MCF2L: variants seen among roughly 807,000 people sequenced by gnomAD.
MCF2L encodes the protein guanine nucleotide exchange factor DBS.
Under a neutral mutation model 153.4 loss-of-function variants are expected in MCF2L, and 97 were observed. The ratio of observed to expected loss-of-function variants is 0.63; its 90% CI spans 0.54 to 0.75. The LOEUF (loss-of-function observed/expected upper bound fraction) is 0.75. Ranked by LOEUF, MCF2L falls within the 30% of genes least tolerant of loss-of-function variation. MCF2L has a pLI of 0.00. For synonymous variants in MCF2L, 659 were observed against 632.2 expected (o/e 1.04, Z -0.64); for missense variants, 1,347 against 1,495.2 (o/e 0.90, Z 1.64).
At chr13:112,988,241 T>G (rs1453264533) in intron 1 of MCF2L, among the ~76,000 whole-genome samples, 3 of 149,372 alleles carry the variant, frequency 2.0e-5, no homozygotes, top group East Asian at 2.0e-4. Context: ...TCTACTGTGT[T>G]TTTTTTTTTT....
intron 18 of MCF2L, chr13:113,084,596 T>C (rs2142019763): frequency 2.1e-6 from 1 of 475,030 alleles, no homozygotes; most frequent in South Asian, 3.4e-5. Flanking sequence ...ACACCATAAA[T>C]GGCCTTCTAA....
At chr13:112,980,555 C>G (rs999734054) in intron 1 of MCF2L, among the ~76,000 whole-genome samples, 2 of 150,196 alleles carry the variant, frequency 1.3e-5, no homozygotes, top group Admixed American at 1.3e-4. Flanking sequence ...CACATCCAGG[C>G]GATGCCTGAC....
At chr13:113,086,295 ACAC>A in intron 21 of MCF2L, 46 bp downstream of exon 21, 1 of 1,594,438 alleles carries the variant, frequency 6.3e-7, no homozygotes, top group East Asian at 2.3e-5. Context: ...TCCGTGGAAT[ACAC>A]CAGCCCAGCA....
At position 113,074,787 on chromosome 13, in the gene MCF2L, A is replaced by T. The variant is rs2141917685; in HGVS notation, c.1117-211A>T. 6.6e-6 allele frequency among the ~76,000 whole-genome samples: 1 copy of T among 152,062 alleles called. No homozygotes were observed. Among genetic ancestry groups the T allele is most frequent in the East Asian group, 1.9e-4 (1 of 5,146 alleles). On this transcript the variant is annotated intron_variant, in intron 10 of 29. Transcript: ENST00000535094. This position sits in a 1 kb window ranked among gnomAD's most constrained non-coding sequence, Gnocchi z 4.2. Reference sequence around the variant, plus strand: ...CCTCCTCTGGGTCAGGTCCCTGCAGACGGTCAATGCCTTTGCTGGGACCAC... The same window carrying T: ...CCTCCTCTGGGTCAGGTCCCTGCAGTCGGTCAATGCCTTTGCTGGGACCAC...
intron 2 of MCF2L, among the ~76,000 whole-genome samples, chr13:112,919,441 G>A (rs1435456287): frequency 1.1e-4 from 17 of 151,940 alleles, no homozygotes; most frequent in East Asian, 5.8e-4. Context: ...TCCTGACCTC[G>A]TGATCCGCCC....
In MCF2L at chr13:112,969,479, T is replaced by G. The variant is rs1437502568; in HGVS notation, c.79+21T>G. 3.2e-6 allele frequency: 5 copies of G among 1,550,118 alleles called. No individual in the cohort carries two copies. The highest frequency in any genetic ancestry group is 4.4e-6 in the Non-Finnish European group (5 of 1,146,684). On this transcript the variant is annotated intron_variant, in intron 1 of 29. Coordinates refer to ENST00000535094, the MANE Select transcript of MCF2L (RefSeq NM_001112732.3). This position sits in a 1 kb window ranked among gnomAD's most constrained non-coding sequence, Gnocchi z 4.8. Reference sequence around the variant, plus strand: ...CACGGGTAGGAGGAGCTGCTGGCCGTCAGTGATCTGTGCTTAAGCTTGACA... The same window carrying G: ...CACGGGTAGGAGGAGCTGCTGGCCGGCAGTGATCTGTGCTTAAGCTTGACA...
chr13:113,060,478 G>T lies in MCF2L; in HGVS notation c.370-115G>T, dbSNP rs554820504. On this transcript the variant is annotated intron_variant, in intron 4 of 29. Coordinates refer to ENST00000535094, the MANE Select transcript of MCF2L (RefSeq NM_001112732.3). The stretch of plus-strand genomic sequence containing the variant: ...CTCAGCATAAACCTGCTGCGTTGAG[G>T]ATGCCTGGCCGCTAGCTGCGCGCCC... The T allele has an allele frequency of 1.4e-4, 171 of 1,248,698 alleles. 1 individual carries two copies. In the South Asian group the frequency reaches 1.4e-3, roughly 10 times the overall value. The allele number at this position is 1,248,698 out of a possible 1,614,324, so 77.4% of individuals were successfully genotyped here. A position where few individuals can be genotyped will look rare whatever the true frequency, so the allele number is the denominator to read the frequency against.
At position 113,096,828 on chromosome 13, in the gene MCF2L, G is replaced by T. The variant is rs748415340; in HGVS notation, c.3347G>T (p.Gly1116Val). The T allele has an allele frequency of 6.6e-6, 10 of 1,525,042 alleles. No individual in the cohort carries two copies. In the South Asian group the frequency reaches 1.1e-4, roughly 17 times the overall value. The allele number at this position is 1,525,042 out of a possible 1,614,324, so 94.5% of individuals were successfully genotyped here. A position where few individuals can be genotyped will look rare whatever the true frequency, so the allele number is the denominator to read the frequency against. ...AACTCGTCCAGCTGCAGCGAGGGCGGCCAGGCCCCCTTCTCCGACCTGCAG... is the reference window on the plus strand; with the variant it reads ...AACTCGTCCAGCTGCAGCGAGGGCGTCCAGGCCCCCTTCTCCGACCTGCAG... ...LSNSSSCSEG[G>V]QAPFSDLQG Residue 1116 changes from glycine to valine, a missense_variant, in exon 30 of 30, where the codon GGC (glycine) becomes GTC (valine). Physicochemically the swap from Gly to Val is moderately radical, Grantham distance 109 (BLOSUM62 -3). Transcript: ENST00000535094.
intron 1 of MCF2L, among the ~76,000 whole-genome samples, chr13:112,982,894 G>A (rs1048066433): frequency 3.3e-5 from 5 of 152,130 alleles, no homozygotes; most frequent in South Asian, 2.1e-4. Flanking sequence ...CTTGAGGGGC[G>A]CCGAGGTGTG....
intron 1 of MCF2L, among the ~76,000 whole-genome samples, chr13:112,987,497 C>T (rs183551958): frequency 1.0e-3 from 152 of 152,338 alleles, no homozygotes; most frequent in Non-Finnish European, 1.7e-3. Flanking sequence ...CTTCTGCAGC[C>T]GCACAGTTGA....
chr13:113,003,772 G>C (rs947904572), intron 1 of MCF2L, among the ~76,000 whole-genome samples: 1 of 152,192 alleles, frequency 6.6e-6, no homozygotes, highest in Non-Finnish European at 1.5e-5. Context: ...GGGTCAGCCA[G>C]GCCTGTGTTC....
intron 2 of MCF2L, among the ~76,000 whole-genome samples, chr13:113,020,472 T>G (rs2084804757): frequency 6.6e-6 from 1 of 152,256 alleles, no homozygotes; most frequent in Non-Finnish European, 1.5e-5. Context: ...TCCCCTAGAC[T>G]GAGTGGTTTA....
chr13:113,014,103 C>T (rs2084354746), intron 1 of MCF2L, among the ~76,000 whole-genome samples: 1 of 152,186 alleles, frequency 6.6e-6, no homozygotes, highest in Non-Finnish European at 1.5e-5. Context: ...CCCCATGCTC[C>T]CCCCGTGCTC....
intron 25 of MCF2L, among the ~76,000 whole-genome samples, 192 bp downstream of exon 25, chr13:113,088,820 G>A (rs2034897496): frequency 6.6e-6 from 1 of 152,198 alleles, no homozygotes; most frequent in African/African-American, 2.4e-5. Flanking sequence ...CTCCGACAAT[G>A]CCCAGTCCCT....
Position 113,096,558 on chromosome 13 carries a change from G to C in MCF2L, c.3197G>C (p.Arg1066Thr), listed in dbSNP as rs2035678062. ...QEGDEGLWYV[R>T]DPTTGKEGWV... ...ACCCTCGCCCCTTGCAGGTACGTCA[G>C]GGACCCGACCACTGGCAAGGAGGGC... is the stretch of plus-strand genomic sequence containing the variant. Residue 1066 changes from arginine to threonine, a missense_variant, in exon 29 of 30, where the codon AGG becomes ACG. Physicochemically the swap from Arg to Thr is moderately conservative, Grantham distance 71. Around this residue, in one of 3 missense-constraint regions of MCF2L, gnomAD observed 383 missense variants for 335.4 expected, o/e 1.14. Coordinates refer to ENST00000535094, the MANE Select transcript of MCF2L (RefSeq NM_001112732.3). The C allele has an allele frequency of 6.2e-7, 1 of 1,604,780 alleles. No individual in the cohort carries two copies. The highest frequency in any genetic ancestry group is 8.5e-7 in the Non-Finnish European group (1 of 1,177,936).
chr13:112,945,361 G>C (rs1272102154), intron 2 of MCF2L, among the ~76,000 whole-genome samples: 3 of 152,334 alleles, frequency 2.0e-5, no homozygotes, highest in Non-Finnish European at 4.4e-5. Context: ...TATAATAACT[G>C]TGGAAGGAAG....
chr13:112,895,518 C>G (rs2081058595), intron 1 of MCF2L, among the ~76,000 whole-genome samples: 1 of 152,130 alleles, frequency 6.6e-6, no homozygotes, highest in South Asian at 2.1e-4. Context: ...GGAGGAGCCT[C>G]TAGCCCCCAG....
At chr13:113,086,668 G>A (rs1440164544) in intron 21 of MCF2L, among the ~76,000 whole-genome samples, 3 of 152,132 alleles carry the variant, frequency 2.0e-5, no homozygotes, top group Admixed American at 6.5e-5. Context: ...CACTTTCCCC[G>A]TAGAGCCCCA....
At chr13:113,051,625 G>A (rs12583269) in intron 4 of MCF2L, among the ~76,000 whole-genome samples, 1 of 152,152 alleles carries the variant, frequency 6.6e-6, no homozygotes, top group Non-Finnish European at 1.5e-5. Flanking sequence ...TAAAGACCTC[G>A]GAGGCGACAC....
Sources: gnomAD v4.1 joint callset for allele counts (sites outside exome capture counted in the v4.1 genomes callset) on GRCh38, gnomAD v4.1.1 for gene constraint, gnomAD v4.1.1 regional missense constraint, Gnocchi (gnomAD v3.1) non-coding constraint, MANE v1.5 for transcripts, NCBI Gene and HGNC (gene_info 2026-07-23, HGNC 2026-07-21) for gene names.